NEB: variants seen among roughly 807,000 people sequenced by gnomAD.
NEB encodes the protein nebulin.
Under a neutral mutation model 952.2 loss-of-function variants are expected in NEB, and 512 were observed. The ratio of observed to expected loss-of-function variants is 0.54; its 90% confidence interval spans 0.50 to 0.58. The LOEUF is 0.58. Among genes scored for constraint, NEB ranks in the 20% least tolerant of loss-of-function variants. NEB has a pLI of 0.00. For synonymous variants in NEB, 2,900 were observed against 3,149.8 expected, an observed-to-expected ratio of 0.92 and a Z score of 2.66; for missense variants, 8,428 against 9,231.1, an observed-to-expected ratio of 0.91 and a Z score of 3.56.
chr2:151,673,796 C>T (rs1012961573), intron 36 of NEB, among the ~76,000 whole-genome samples: 1 of 143,694 alleles, frequency 7.0e-6, no homozygotes, highest in Non-Finnish European at 1.5e-5. Context: ...TGCAGTGGCG[C>T]AATCTCGGCT....
intron 161 of NEB, among the ~76,000 whole-genome samples, chr2:151,508,477 G>C (rs1356799189): frequency 2.6e-5 from 4 of 152,238 alleles, no homozygotes; most frequent in Non-Finnish European, 4.4e-5. Flanking sequence ...ATGAAGCTAT[G>C]TAGCCAGACT....
intron 50 of NEB, 65 bp downstream of exon 50, chr2:151,655,752 A>G: frequency 6.5e-7 from 1 of 1,541,784 alleles, no homozygotes; most frequent in Non-Finnish European, 8.9e-7. Context: ...TTCTCCAAAC[A>G]AGAACCAGAG....
At position 151,563,900 on chromosome 2, in the gene NEB, T is replaced by C. The variant is rs879306056; in HGVS notation, c.18502A>G (p.Lys6168Glu). The C allele has an allele frequency of 1.2e-6, 2 of 1,611,834 alleles. No homozygotes were observed. The highest frequency in any genetic ancestry group is 1.7e-6 in the Non-Finnish European group (2 of 1,178,904). The part of the protein sequence containing the change: ...ILYKGAWEGT[K>E]AYGYTLDERY... Reference sequence around the variant, plus strand: ...TCATCCAGGGTGTAGCCATAGGCCTTGGTGCCCTCCCACGCCCCTTTATAC... The same window carrying C: ...TCATCCAGGGTGTAGCCATAGGCCTCGGTGCCCTCCCACGCCCCTTTATAC... Residue 6168 changes from lysine (K) to glutamate (E), a missense_variant, in exon 118 of 182, where the codon AAG becomes GAG. Physicochemically the swap from Lys to Glu is moderately conservative, Grantham distance 56. This residue lies in a region of NEB where 3,374 missense variants were observed against 3,651.5 expected (regional missense o/e 0.92). Coordinates refer to ENST00000397345, the MANE Select transcript of NEB (RefSeq NM_001164508.2).
chr2:151,541,305 T>A, intron 136 of NEB, 142 bp downstream of exon 136: 1 of 587,214 alleles, frequency 1.7e-6, no homozygotes, highest in Non-Finnish European at 3.0e-6. Context: ...GAGAACTGCT[T>A]CTTCAAGTGC....
intron 165 of NEB, 45 bp from the exon 166 acceptor site, chr2:151,503,486 A>T (rs2066320836): frequency 1.5e-6 from 2 of 1,333,918 alleles, no homozygotes; most frequent in Non-Finnish European, 2.2e-6. Context: ...AATGACCGTA[A>T]ATCCTTTAGA....
At chr2:151,660,305 T>C (rs2099132517) in intron 46 of NEB, among the ~76,000 whole-genome samples, 1 of 152,160 alleles carries the variant, frequency 6.6e-6, no homozygotes. Context: ...GTACTCCAAT[T>C]TTCATCTTAG....
intron 10 of NEB, among the ~76,000 whole-genome samples, chr2:151,710,797 G>C (rs749981587): frequency 1.3e-5 from 2 of 152,064 alleles, no homozygotes; most frequent in African/African-American, 4.8e-5. Context: ...CATTCATTCG[G>C]AAGTTGCAGA....
At chr2:151,579,303 C>G in intron 105 of NEB, 35 bp downstream of exon 105, 1 of 1,116,994 alleles carries the variant, frequency 9.0e-7, no homozygotes, top group South Asian at 1.3e-5. Context: ...TCAGGCAAAG[C>G]AATGGGGGAC....
At chr2:151,732,853 G>T (rs908286911) in intron 3 of NEB, among the ~76,000 whole-genome samples, 1 of 152,062 alleles carries the variant, frequency 6.6e-6, no homozygotes, top group Non-Finnish European at 1.5e-5. Context: ...TTTAGAAGAC[G>T]AATTAAAACC....
At chr2:151,592,232 T>G in intron 94 of NEB, 94 bp from the exon 95 acceptor site, 1 of 1,487,364 alleles carries the variant, frequency 6.7e-7, no homozygotes, top group East Asian at 2.5e-5. Context: ...TATACTTGAA[T>G]AAATGGATAT....
At chr2:151,547,183 T>C (rs2094823412) in intron 133 of NEB, among the ~76,000 whole-genome samples, 1 of 152,172 alleles carries the variant, frequency 6.6e-6, no homozygotes, top group African/African-American at 2.4e-5. Flanking sequence ...GAATGTAGAA[T>C]GGTGGTCACT....
intron 136 of NEB, among the ~76,000 whole-genome samples, 177 bp downstream of exon 136, chr2:151,541,270 C>T (rs573107331): frequency 1.3e-5 from 2 of 152,182 alleles, no homozygotes; most frequent in Non-Finnish European, 2.9e-5. Context: ...GAGTAAAACA[C>T]AACCATAATT....
At chr2:151,491,028 C>T (rs1017345123) in intron 179 of NEB, among the ~76,000 whole-genome samples, 4 of 138,770 alleles carry the variant, frequency 2.9e-5, no homozygotes, top group African/African-American at 1.0e-4. Context: ...ACTGTCTCTA[C>T]ATAATATCCT....
chr2:151,657,526 C>A (rs1285820441), intron 48 of NEB, among the ~76,000 whole-genome samples: 1 of 152,164 alleles, frequency 6.6e-6, no homozygotes, highest in Non-Finnish European at 1.5e-5. Flanking sequence ...TGATATCAAG[C>A]CACCGATAGT....
rs1169208282 is a variant in NEB, at chr2:151,531,076, T to C, written c.21548A>G (p.Lys7183Arg). Reference sequence around the variant, plus strand: ...TGTGGTGTAGCCTCTGGGTTTGGCCTTGTTGTATTCCAATTTATAAAGGAT... The same window carrying C: ...TGTGGTGTAGCCTCTGGGTTTGGCCCTGTTGTATTCCAATTTATAAAGGAT... ...SDILYKLEYN[K>R]AKPRGYTTIH... is the part of the protein sequence containing the mutation. The change falls in exon 145 of 182, where the codon AAG (lysine) becomes AGG (arginine). Residue 7183 changes from lysine to arginine, a missense_variant. Lys to Arg is a conservative substitution (Grantham distance 26). Around this residue, in one of 11 missense-constraint regions of NEB, gnomAD observed 3,374 missense variants for 3,651.5 expected, o/e 0.92. Transcript: ENST00000397345. 1 of 1,612,584 alleles carries C rather than the reference T, an allele frequency of 6.2e-7. No homozygotes were observed. The highest frequency in any genetic ancestry group is 8.5e-7 in the Non-Finnish European group (1 of 1,178,924).
In NEB at chr2:151,663,927, AT is replaced by A. The variant is rs1159641798; in HGVS notation, c.5452-69del. 32 of 1,477,780 alleles carry A rather than the reference AT, an allele frequency of 2.2e-5. No individual in the cohort carries two copies. The East Asian group carries it at 4.1e-4, about 19-fold the overall frequency. 91.5% of individuals were successfully genotyped at this position (1,477,780 alleles called of 1,614,324 possible). ...AGAACAAAGTACCATTTGCTAGGTG[AT>A]GTGAGCTTTGTCTTAGATGAAGGGT... On this transcript the variant is annotated intron_variant, in intron 44 of 181. Transcript: ENST00000397345.
chr2:151,519,624 T>C (rs773880493), intron 154 of NEB, 34 bp downstream of exon 154: 7 of 1,461,854 alleles, frequency 4.8e-6, no homozygotes, highest in Non-Finnish European at 6.7e-6. Context: ...GCAAATACCA[T>C]GTTATATATT....
intron 46 of NEB, among the ~76,000 whole-genome samples, chr2:151,661,446 C>T (rs756691673): frequency 3.9e-5 from 6 of 152,096 alleles, no homozygotes; most frequent in Non-Finnish European, 7.4e-5. Context: ...AACTGTTTCA[C>T]GTTTAGATCC....
At chr2:151,657,799 GTGGTTAGCT>G (rs2099102808) in intron 48 of NEB, among the ~76,000 whole-genome samples, 175 bp downstream of exon 48, 1 of 152,202 alleles carries the variant, frequency 6.6e-6, no homozygotes. Flanking sequence ...GGGTCACCAT[GTGGTTAGCT>G]TGGTGTTTTT....
Sources: gnomAD v4.1 joint callset for allele counts (sites outside exome capture counted in the v4.1 genomes callset) on GRCh38, gnomAD v4.1.1 for gene constraint, gnomAD v4.1.1 regional missense constraint, MANE v1.5 for transcripts, NCBI Gene and HGNC (gene_info 2026-07-23, HGNC 2026-07-21) for gene names.